The following FRMPD4 variants were observed in gnomAD, a reference collection of about 807,000 sequenced individuals.
FRMPD4 encodes the protein FERM and PDZ domain containing 4.
Under a neutral mutation model 94.1 loss-of-function variants are expected in FRMPD4, and 22 were observed. The observed-to-expected ratio is 0.23, with a 90% CI of 0.17 to 0.33. The LOEUF (loss-of-function observed/expected upper bound fraction) is 0.33. FRMPD4 is among the 10% of genes least tolerant of loss of function. FRMPD4 has a pLI of 1.00. For missense variants in FRMPD4, 1,111 were observed against 1,339.9 expected, an observed-to-expected ratio of 0.83 and a Z score of 2.67; for synonymous variants, 631 against 548.6, an observed-to-expected ratio of 1.15 and a Z score of -2.10.
At chrX:12,206,026 C>G (rs2056688457) in intron 1 of FRMPD4, among the ~76,000 whole-genome samples, 1 of 111,896 alleles carries the variant, frequency 8.9e-6, no homozygotes, top group African/African-American at 3.3e-5. Flanking sequence ...ACATAACTTT[C>G]TAATAAGTGT....
At position 11,885,626 on chromosome X, in the gene FRMPD4, A is replaced by G. The variant is rs780822630; in HGVS notation, c.95+7608A>G. Among the ~76,000 whole-genome samples, 3 of 111,550 alleles carry G rather than the reference A, an allele frequency of 2.7e-5. No homozygotes were observed. The East Asian group carries it at 8.4e-4, about 31-fold the overall frequency. On this transcript the variant is annotated intron_variant, in intron 3 of 18. Transcript: ENST00000640291. Reference sequence around the variant, plus strand: ...GCCCTGCTTTGGTGTACCTACCACCAATAAAATTAGGACTCTTTTCCTAGT... The same window carrying G: ...GCCCTGCTTTGGTGTACCTACCACCGATAAAATTAGGACTCTTTTCCTAGT...
chrX:12,615,109 C>T (rs916710951), intron 4 of FRMPD4, among the ~76,000 whole-genome samples: 1 of 112,421 alleles, frequency 8.9e-6, no homozygotes, highest in African/African-American at 3.2e-5. Context: ...ATTGAAGGTA[C>T]ATATGCCTCA....
intron 1 of FRMPD4, among the ~76,000 whole-genome samples, chrX:11,849,678 GT>G (rs200493437): frequency 0.07 from 6,834 of 98,048 alleles, 174 homozygotes; most frequent in Non-Finnish European, 0.094. Flanking sequence ...GAAAGGACAG[GT>G]TTTTTTTTTT....
chrX:12,144,433 C>T (rs1013453599), intron 1 of FRMPD4, among the ~76,000 whole-genome samples: 1 of 92,218 alleles, frequency 1.1e-5, no homozygotes, highest in Non-Finnish European at 2.0e-5. Flanking sequence ...ACAAAGTTAA[C>T]ATTCCCATTT....
At chrX:12,516,183 A>G (rs937634869) in intron 2 of FRMPD4, among the ~76,000 whole-genome samples, 3 of 111,760 alleles carry the variant, frequency 2.7e-5, no homozygotes, top group African/African-American at 9.8e-5. Flanking sequence ...TAATTGGAGC[A>G]TTTAGGCCAT....
intron 2 of FRMPD4, among the ~76,000 whole-genome samples, chrX:12,584,412 A>C (rs1325736612): frequency 9.0e-6 from 1 of 111,637 alleles, no homozygotes; most frequent in Non-Finnish European, 1.9e-5. Context: ...CACACACAAA[A>C]CAACTATGGG....
At chrX:12,030,209 C>G (rs1035207852) in intron 3 of FRMPD4, among the ~76,000 whole-genome samples, 6 of 112,066 alleles carry the variant, frequency 5.4e-5, no homozygotes, top group African/African-American at 1.9e-4. Context: ...TAGATCATCT[C>G]AAAGCAAAAG....
chrX:12,701,442 CACAG>C (rs760942740), intron 9 of FRMPD4, among the ~76,000 whole-genome samples: 63 of 110,837 alleles, frequency 5.7e-4, no homozygotes, highest in Non-Finnish European at 5.8e-4. Flanking sequence ...AAAACTGAGG[CACAG>C]ACAATTAAGA....
At chrX:12,085,443 TGGGA>T (rs1013791579) in intron 3 of FRMPD4, among the ~76,000 whole-genome samples, 5 of 109,801 alleles carry the variant, frequency 4.6e-5, no homozygotes, top group Non-Finnish European at 7.6e-5. Context: ...CTGAGGTGGG[TGGGA>T]GGATCTCTTG....
chrX:12,619,985 T>G (rs1331903180), intron 4 of FRMPD4, among the ~76,000 whole-genome samples: 3 of 112,625 alleles, frequency 2.7e-5, no homozygotes, highest in Non-Finnish European at 3.8e-5. Flanking sequence ...CATCTGAATG[T>G]GGATCCTGAA....
intron 1 of FRMPD4, among the ~76,000 whole-genome samples, chrX:12,428,106 T>A (rs5979626): frequency 9.3e-6 from 1 of 107,005 alleles, no homozygotes; most frequent in African/African-American, 3.4e-5. Context: ...AGAGACGGGG[T>A]TTCACCGTGT....
At chrX:12,215,617 A>G (rs1235981395) in intron 1 of FRMPD4, among the ~76,000 whole-genome samples, 1 of 112,040 alleles carries the variant, frequency 8.9e-6, no homozygotes, top group African/African-American at 3.2e-5. Flanking sequence ...CTTCATTTTA[A>G]GATGGATGAG....
chrX:12,512,154 A>G (rs746292705), intron 2 of FRMPD4, among the ~76,000 whole-genome samples: 1 of 112,685 alleles, frequency 8.9e-6, no homozygotes, highest in Admixed American at 9.4e-5. Context: ...ATTTTTAATT[A>G]AGGTGTGTAC....
intron 4 of FRMPD4, among the ~76,000 whole-genome samples, chrX:12,659,882 C>A (rs2059697203): frequency 8.9e-6 from 1 of 112,258 alleles, no homozygotes. Context: ...AAAATTAGGT[C>A]AAACCAAAAC....
intron 3 of FRMPD4, among the ~76,000 whole-genome samples, chrX:12,086,962 C>T (rs766525255): frequency 1.8e-5 from 2 of 111,651 alleles, no homozygotes; most frequent in Non-Finnish European, 3.8e-5. Context: ...GAGCTACTCA[C>T]AGAGACCACT....
At chrX:12,511,186 C>G (rs1181774439) in intron 2 of FRMPD4, among the ~76,000 whole-genome samples, 1 of 111,358 alleles carries the variant, frequency 9.0e-6, no homozygotes, top group Non-Finnish European at 1.9e-5. Flanking sequence ...GTGGTTGTTT[C>G]TCAAATGCCC....
intron 1 of FRMPD4, among the ~76,000 whole-genome samples, chrX:12,328,636 G>A (rs1300916101): frequency 8.9e-6 from 1 of 112,358 alleles, no homozygotes; most frequent in East Asian, 2.8e-4. Flanking sequence ...TTATATAATG[G>A]CACCTCTTAT....
chrX:11,971,110 T>C (rs961199874), intron 3 of FRMPD4, among the ~76,000 whole-genome samples: 6 of 112,200 alleles, frequency 5.3e-5, no homozygotes, highest in African/African-American at 1.9e-4. Flanking sequence ...CTTTATTTCC[T>C]GTCTTTCTGA....
upstream of FRMPD4, among the ~76,000 whole-genome samples, chrX:12,136,538 G>C (rs776321069): frequency 3.6e-5 from 4 of 110,833 alleles, no homozygotes; most frequent in Admixed American, 1.9e-4. Context: ...TGGAGAAGCC[G>C]GCCATGCAGA....
Sources: allele counts gnomAD v4.1 joint callset (sites outside exome capture counted in the v4.1 genomes callset), GRCh38; gene constraint gnomAD v4.1.1; transcripts MANE v1.5; gene names NCBI Gene and HGNC (gene_info 2026-07-23, HGNC 2026-07-21).